SLA: variants seen among roughly 807,000 people sequenced by gnomAD.
SLA encodes Src like adaptor, also known as src-like-adapter.
A neutral mutation model predicts 30.3 loss-of-function variants in SLA; 16 were observed. The observed-to-expected ratio is 0.53, with a 90% confidence interval of 0.36 to 0.80. The LOEUF (loss-of-function observed/expected upper bound fraction) is 0.80. Among genes scored for constraint, SLA ranks in the 30% least tolerant of loss-of-function variants. The pLI, the probability that SLA is intolerant of heterozygous loss-of-function variation, is 0.01. For missense variants in SLA, 310 were observed against 345.2 expected, an observed-to-expected ratio of 0.90 and a Z score of 0.81; for synonymous variants, 143 against 137.8, an observed-to-expected ratio of 1.04 and a Z score of -0.26.
At chr8:133,054,235 AAGAGG>A (rs1253580449) in intron 3 of SLA, among the ~76,000 whole-genome samples, 1 of 152,104 alleles carries the variant, frequency 6.6e-6, no homozygotes, top group Non-Finnish European at 1.5e-5. Flanking sequence ...TGAGGCAGAG[AAGAGG>A]AGAGTTGAGG....
Position 133,037,419 on chromosome 8 carries a change from A to G in SLA, c.*1105T>C, listed in dbSNP as rs1242103579. On this transcript the variant is annotated 3_prime_UTR_variant, in exon 9 of 9. Coordinates refer to ENST00000338087, the MANE Select transcript of SLA (RefSeq NM_001045556.3). ...CGGGTGAGTTAATTCTTTAGACTGT[A>G]TCCATTTCTTTTCTAAAAAATCCAG... 2.0e-5 allele frequency: 3 copies of G among 152,066 alleles called. No individual in the cohort carries two copies. 9.4% of individuals were successfully genotyped at this position (152,066 alleles called of 1,614,324 possible). A position where few individuals can be genotyped will look rare whatever the true frequency, so the allele number is the denominator to read the frequency against.
intron 7 of SLA, among the ~76,000 whole-genome samples, chr8:133,043,954 G>A (rs189302583): frequency 8.5e-5 from 13 of 152,292 alleles, no homozygotes; most frequent in Non-Finnish European, 1.6e-4. Context: ...GGTAAAAGTG[G>A]CTGGCATTTA....
intron 2 of SLA, among the ~76,000 whole-genome samples, chr8:133,065,169 G>A (rs1384166999): frequency 1.3e-5 from 2 of 152,204 alleles, no homozygotes; most frequent in Non-Finnish European, 2.9e-5. Flanking sequence ...CAACGGTGAT[G>A]ACCAGAACAC....
intron 3 of SLA, among the ~76,000 whole-genome samples, chr8:133,052,480 C>T (rs1283605549): frequency 2.0e-5 from 3 of 152,062 alleles, no homozygotes; most frequent in Non-Finnish European, 4.4e-5. Flanking sequence ...AAGGGCTGGC[C>T]CAGCCAGACC....
intron 1 of SLA, among the ~76,000 whole-genome samples, chr8:133,094,461 C>T (rs939459305): frequency 2.6e-5 from 4 of 151,958 alleles, no homozygotes; most frequent in African/African-American, 7.3e-5. Context: ...AGGATGGTCT[C>T]GATCTCCTGA....
At chr8:133,100,576 C>T (rs1849083168) in intron 1 of SLA, among the ~76,000 whole-genome samples, 1 of 152,288 alleles carries the variant, frequency 6.6e-6, no homozygotes, top group African/African-American at 2.4e-5. Context: ...CAACTATTAC[C>T]CTATGAGGTG....
intron 1 of SLA, among the ~76,000 whole-genome samples, chr8:133,100,003 G>A (rs548993158): frequency 3.9e-5 from 6 of 152,280 alleles, no homozygotes; most frequent in Admixed American, 3.9e-4. Flanking sequence ...CTTCTCTCCA[G>A]TGGCCTCCTC....
intron 7 of SLA, chr8:133,040,343 C>CCTG: frequency 1.8e-6 from 1 of 565,490 alleles, no homozygotes; most frequent in Admixed American, 3.1e-5. Flanking sequence ...ATACTCTGCA[C>CCTG]TTAGCCAGGC....
At chr8:133,095,784 G>A (rs1474386218) in intron 1 of SLA, among the ~76,000 whole-genome samples, 1 of 152,220 alleles carries the variant, frequency 6.6e-6, no homozygotes, top group East Asian at 1.9e-4. Flanking sequence ...TTAGCAATGA[G>A]TCTGGACTCA....
chr8:133,066,875 T>TG (rs1220350448), intron 2 of SLA, among the ~76,000 whole-genome samples: 2 of 152,346 alleles, frequency 1.3e-5, no homozygotes, highest in African/African-American at 4.8e-5. Context: ...GTGCAGGGGC[T>TG]GGGGGGTTGG....
intron 1 of SLA, chr8:133,095,201 A>G (rs1848219160): frequency 6.2e-6 from 10 of 1,614,128 alleles, no homozygotes; most frequent in African/African-American, 1.3e-5. Context: ...AATGATGCCC[A>G]GACCAAGGTG....
chr8:133,058,974 A>G (rs1841958771), intron 3 of SLA: 2 of 474,346 alleles, frequency 4.2e-6, no homozygotes, highest in Non-Finnish European at 8.4e-6. Context: ...GGAGGCCATC[A>G]GACCACACAA....
chr8:133,041,713 A>G (rs1198174935), intron 7 of SLA, among the ~76,000 whole-genome samples: 1 of 151,974 alleles, frequency 6.6e-6, no homozygotes. Context: ...TCATAAGCAC[A>G]TAACATGAGC....
At chr8:133,066,973 C>G (rs28579253) in intron 2 of SLA, among the ~76,000 whole-genome samples, 37,536 of 152,104 alleles carry the variant, frequency 0.25, 4,857 homozygotes, top group South Asian at 0.31. Flanking sequence ...TTGGGCTGAA[C>G]AGTTGGTCAT....
At chr8:133,059,984 G>A (rs1182793322) in intron 3 of SLA, 116 bp downstream of exon 3, 1 of 993,938 alleles carries the variant, frequency 1.0e-6, no homozygotes, top group Non-Finnish European at 1.5e-6. Flanking sequence ...GATATAATGA[G>A]CCCTTCGGTA....
At chr8:133,069,624 T>C (rs924130027) in intron 2 of SLA, among the ~76,000 whole-genome samples, 2 of 152,164 alleles carry the variant, frequency 1.3e-5, no homozygotes, top group Admixed American at 1.3e-4. Flanking sequence ...ATAAGTGCCT[T>C]GAGAGCAGCC....
At chr8:133,070,438 A>G (rs923374829) in intron 2 of SLA, among the ~76,000 whole-genome samples, 8 of 152,222 alleles carry the variant, frequency 5.3e-5, no homozygotes, top group African/African-American at 1.7e-4. Context: ...CCTAAAGGAG[A>G]TGTTTAAAAT....
chr8:133,095,967 T>C (rs1160042195), intron 1 of SLA, among the ~76,000 whole-genome samples: 3 of 152,220 alleles, frequency 2.0e-5, no homozygotes, highest in Non-Finnish European at 1.5e-5. Context: ...CCTGGGGATC[T>C]GCTGTTACCT....
intron 2 of SLA, among the ~76,000 whole-genome samples, chr8:133,068,389 A>G (rs1161388781): frequency 6.6e-6 from 1 of 152,220 alleles, no homozygotes; most frequent in Admixed American, 6.5e-5. Flanking sequence ...CTAAGACCAG[A>G]AGGGGATGGA....
Sources: gnomAD v4.1 joint callset for allele counts (sites outside exome capture counted in the v4.1 genomes callset) on GRCh38, gnomAD v4.1.1 for gene constraint, MANE v1.5 for transcripts, NCBI Gene and HGNC (gene_info 2026-07-23, HGNC 2026-07-21) for gene names.